Variants in DMXL1 observed in about 807,000 individuals in gnomAD.
DMXL1 encodes the protein dmX-like protein 1.
In DMXL1, 99 loss-of-function variants were observed where a neutral mutation model predicts 319.2. That is an observed-to-expected ratio of 0.31 (90% CI 0.26 to 0.37). DMXL1 has a LOEUF of 0.37. Among genes scored for constraint, DMXL1 ranks in the 10% least tolerant of loss-of-function variants. The pLI is 1.00. For missense variants in DMXL1, 3,745 were observed against 3,595.6 expected, an observed-to-expected ratio of 1.04 and a Z score of -1.06; for synonymous variants, 1,385 against 1,235.2, an observed-to-expected ratio of 1.12 and a Z score of -2.54.
intron 19 of DMXL1, among the ~76,000 whole-genome samples, chr5:119,155,521 C>T (rs917730017): frequency 1.3e-5 from 2 of 152,138 alleles, no homozygotes; most frequent in Admixed American, 1.3e-4. Context: ...GAATATGTGA[C>T]TGAATTGCTG....
intron 4 of DMXL1, among the ~76,000 whole-genome samples, chr5:119,106,283 T>C (rs1365417627): frequency 2.6e-5 from 4 of 152,194 alleles, no homozygotes; most frequent in Non-Finnish European, 4.4e-5. Flanking sequence ...CAGAATGTTA[T>C]TGCTGCCACA....
intron 31 of DMXL1, among the ~76,000 whole-genome samples, chr5:119,197,122 G>A (rs867584918): frequency 1.3e-5 from 2 of 152,242 alleles, no homozygotes; most frequent in South Asian, 4.1e-4. Context: ...GAGTTCCATG[G>A]CAAGTATTAT....
In DMXL1 at chr5:119,166,665, G is replaced by T. The variant is rs762594489; in HGVS notation, c.5020G>T (p.Asp1674Tyr). ...ACAGTTTTTTGGACACAATTTTGAG[G>T]ATGAGAGGTGGCGTAAAGCAGCTTT... ...MTQFFGHNFEDERWRKAALKN... is the reference protein window; with the variant it reads ...MTQFFGHNFEYERWRKAALKN... The change falls in exon 22 of 44, where the codon GAT (aspartate) becomes TAT (tyrosine). Residue 1674 changes from aspartate (D) to tyrosine (Y), a missense_variant. Coordinates refer to ENST00000539542, the MANE Select transcript of DMXL1 (RefSeq NM_001290321.3). 44 of 1,611,572 alleles carry T rather than the reference G, an allele frequency of 2.7e-5. No individual in the cohort carries two copies. The highest frequency in any genetic ancestry group is 1.7e-6 in the Non-Finnish European group (2 of 1,179,124).
intron 25 of DMXL1, among the ~76,000 whole-genome samples, chr5:119,173,698 G>GTGTGTGTGTGTGTGTA (rs1416089635): frequency 3.6e-5 from 2 of 55,856 alleles, no homozygotes; most frequent in African/African-American, 7.9e-5. Flanking sequence ...GTGTGTGTGT[G>GTGTGTGTGTGTGTGTA]TATATATATA....
chr5:119,134,644 A>G (rs1765605169), intron 13 of DMXL1, among the ~76,000 whole-genome samples: 1 of 152,236 alleles, frequency 6.6e-6, no homozygotes, highest in Non-Finnish European at 1.5e-5. Flanking sequence ...ACTCATAGAT[A>G]AATGAGGACT....
At chr5:119,202,158 G>A (rs1413673228) in intron 32 of DMXL1, among the ~76,000 whole-genome samples, 1 of 152,100 alleles carries the variant, frequency 6.6e-6, no homozygotes, top group Non-Finnish European at 1.5e-5. Flanking sequence ...CCATTATGAT[G>A]TTAGGTTGTT....
At chr5:119,113,782 G>A (rs1306432420) in intron 5 of DMXL1, among the ~76,000 whole-genome samples, 1 of 151,722 alleles carries the variant, frequency 6.6e-6, no homozygotes, top group Non-Finnish European at 1.5e-5. Flanking sequence ...CTTAAAATCA[G>A]AAAAAAAAGT....
intron 9 of DMXL1, among the ~76,000 whole-genome samples, chr5:119,128,820 C>T (rs1231238366): frequency 2.0e-5 from 3 of 152,134 alleles, no homozygotes; most frequent in Non-Finnish European, 2.9e-5. Flanking sequence ...AATCCCAGCA[C>T]TTTGGGAGGC....
rs111960014 is a variant in DMXL1 at position 119,244,009 on chromosome 5, C to T, written c.8705-350C>T. 4.5e-3 allele frequency among the ~76,000 whole-genome samples: 679 copies of T among 152,308 alleles called. 6 individuals carry two copies. Among genetic ancestry groups the T allele is most frequent in the African/African-American group, 0.016 (665 of 41,566 alleles). The stretch of plus-strand genomic sequence containing the variant: ...AAACAGGACCAAAGCAGCATTTGGT[C>T]TAGGGCTGATTTTCCTCCGCTACTG... On this transcript the variant is annotated intron_variant, in intron 42 of 43. Transcript: ENST00000539542.
At chr5:119,141,426 G>A (rs960099590) in intron 13 of DMXL1, among the ~76,000 whole-genome samples, 3 of 152,002 alleles carry the variant, frequency 2.0e-5, no homozygotes, top group African/African-American at 4.8e-5. Context: ...AATTAATGTA[G>A]AAGAAATGAC....
chr5:119,185,175 C>G (rs1023057006), intron 28 of DMXL1, among the ~76,000 whole-genome samples: 1 of 152,018 alleles, frequency 6.6e-6, no homozygotes, highest in Non-Finnish European at 1.5e-5. Context: ...TTTCCCTCTA[C>G]TTCTTCCCCT....
chr5:119,181,683 G>A (rs1420690498), intron 28 of DMXL1, among the ~76,000 whole-genome samples: 1 of 152,134 alleles, frequency 6.6e-6, no homozygotes, highest in African/African-American at 2.4e-5. Context: ...GTGGTGGCAT[G>A]TGCCTGTAGA....
At chr5:119,175,373 A>G in intron 26 of DMXL1, 36 bp downstream of exon 26, 1 of 1,447,458 alleles carries the variant, frequency 6.9e-7, no homozygotes, top group Non-Finnish European at 9.7e-7. Context: ...GAATGCTTAC[A>G]GTAAGCAATG....
chr5:119,128,163 T>G (rs566191789), intron 9 of DMXL1: 6 of 492,888 alleles, frequency 1.2e-5, no homozygotes, highest in African/African-American at 1.2e-4. Flanking sequence ...TGATTAAAAC[T>G]TTGCATAGTT....
chr5:119,196,104 T>C (rs1339608245), intron 30 of DMXL1, among the ~76,000 whole-genome samples: 2 of 152,216 alleles, frequency 1.3e-5, no homozygotes, highest in Admixed American at 6.5e-5. Context: ...TCCTTCTTCA[T>C]TCTTCCTTAT....
At chr5:119,114,605 A>G (rs940907536) in intron 6 of DMXL1, 64 bp downstream of exon 6, 2 of 1,009,890 alleles carry the variant, frequency 2.0e-6, no homozygotes, top group African/African-American at 3.3e-5. Flanking sequence ...CTTTAAAAAC[A>G]TCAACTGGCT....
chr5:119,159,972 C>G (rs1425999779), intron 19 of DMXL1, among the ~76,000 whole-genome samples: 9 of 152,110 alleles, frequency 5.9e-5, no homozygotes, highest in Admixed American at 1.3e-4. Flanking sequence ...ATTTATCTTT[C>G]CAGAAAACTG....
At chr5:119,219,858 G>C (rs1784355334) in intron 35 of DMXL1, among the ~76,000 whole-genome samples, 1 of 152,046 alleles carries the variant, frequency 6.6e-6, no homozygotes, top group African/African-American at 2.4e-5. Context: ...GTGAGCCACT[G>C]CCCCCAGCCA....
intron 2 of DMXL1, among the ~76,000 whole-genome samples, chr5:119,099,275 A>G (rs575127067): frequency 6.6e-5 from 10 of 151,784 alleles, no homozygotes; most frequent in Non-Finnish European, 1.3e-4. Flanking sequence ...CAGTGGTGCA[A>G]TCTCAGCTCA....
Sources: allele counts gnomAD v4.1 joint callset (sites outside exome capture counted in the v4.1 genomes callset), GRCh38; gene constraint gnomAD v4.1.1; transcripts MANE v1.5; gene names NCBI Gene and HGNC (gene_info 2026-07-23, HGNC 2026-07-21).